INTS8: variants seen among roughly 807,000 people sequenced by gnomAD.
INTS8 encodes integrator complex subunit 8.
INTS8 carries 47 observed loss-of-function variants against 138.9 expected under a neutral mutation model. That is an observed-to-expected ratio of 0.34 (90% CI 0.27 to 0.43). INTS8 has a LOEUF of 0.43. Ranked by LOEUF, INTS8 falls within the 20% of genes least tolerant of loss-of-function variation. The pLI is 1.00. For synonymous variants in INTS8, 392 were observed against 400.9 expected (o/e 0.98, Z 0.27); for missense variants, 996 against 1,173.0 (o/e 0.85, Z 2.20).
chr8:94,835,561 A>C (rs1026332876), intron 6 of INTS8, among the ~76,000 whole-genome samples: 1 of 151,988 alleles, frequency 6.6e-6, no homozygotes, highest in Non-Finnish European at 1.5e-5. Context: ...CCTGTGTTAG[A>C]AAATTCCCGA....
At chr8:94,839,034 CA>C (rs1201297404) in intron 8 of INTS8, among the ~76,000 whole-genome samples, 2 of 152,176 alleles carry the variant, frequency 1.3e-5, no homozygotes. Flanking sequence ...TTTAGTTTTA[CA>C]AAACATTAAG....
In INTS8 at chr8:94,847,342, G is replaced by A. The variant is rs188067067; in HGVS notation, c.1261-2120G>A. On this transcript the variant is annotated intron_variant, in intron 10 of 26. Coordinates refer to ENST00000523731, the MANE Select transcript of INTS8 (RefSeq NM_017864.4). ...CAGGTGTGAGCCATGACACCTGGCC[G>A]ATGCACACATTTTTTTCTTTCTTGT... 1.0e-3 allele frequency among the ~76,000 whole-genome samples: 154 copies of A among 152,182 alleles called. 1 individual carries two copies. The highest frequency in any genetic ancestry group is 3.4e-3 in the Middle Eastern group (1 of 294).
chr8:94,870,057 A>ATT (rs1166794551), intron 20 of INTS8, among the ~76,000 whole-genome samples: 2 of 147,372 alleles, frequency 1.4e-5, no homozygotes, highest in Non-Finnish European at 3.0e-5. Context: ...TTATTTATTT[A>ATT]TTTTTTTTTT....
intron 2 of INTS8, among the ~76,000 whole-genome samples, chr8:94,826,343 G>A (rs1236207462): frequency 5.3e-5 from 8 of 151,752 alleles, no homozygotes; most frequent in African/African-American, 9.7e-5. Flanking sequence ...GTGCAGTGGC[G>A]CGATATTCGC....
intron 4 of INTS8, 107 bp from the exon 5 acceptor site, chr8:94,828,866 AAC>A (rs1443295629): frequency 1.4e-6 from 1 of 709,528 alleles, no homozygotes; most frequent in African/African-American, 1.8e-5. Context: ...TAACATTAAA[AAC>A]ACTCTTAAAT....
At chr8:94,869,737 T>C (rs769487578) in intron 20 of INTS8, among the ~76,000 whole-genome samples, 55 of 151,894 alleles carry the variant, frequency 3.6e-4, no homozygotes, top group Non-Finnish European at 6.0e-4. Context: ...GTGATCTGCC[T>C]ACCTCGGCCT....
chr8:94,853,929 T>G lies in INTS8; in HGVS notation c.1752+14T>G. 7.1e-7 allele frequency: 1 copy of G among 1,410,180 alleles called. No homozygotes were observed. The highest frequency in any genetic ancestry group is 1.0e-6 in the Non-Finnish European group (1 of 994,618). The allele number at this position is 1,410,180 out of a possible 1,614,324, so 87.4% of individuals were successfully genotyped here. ...AGTACTGTTAAGGTGAGTAAAAGTG[T>G]GTATCAAACACTTGTTAAGAATATG... On this transcript the variant is annotated intron_variant, in intron 14 of 26. Transcript: ENST00000523731.
intron 14 of INTS8, 29 bp from the exon 15 acceptor site, chr8:94,856,748 G>A: frequency 6.2e-7 from 1 of 1,600,566 alleles, no homozygotes; most frequent in Non-Finnish European, 8.6e-7. Context: ...AAGGAAAGGT[G>A]ACCCAGGCTA....
In INTS8 at chr8:94,863,171, G is replaced by A. The variant is rs1007720079; in HGVS notation, c.2077-2335G>A. ...AGAACCTAGGTAGTAGTGGGGGGTT[G>A]GCAGCCACAGTGGTGCTAGTATAGG... On this transcript the variant is annotated intron_variant, in intron 16 of 26. Coordinates refer to ENST00000523731, the MANE Select transcript of INTS8 (RefSeq NM_017864.4). Among the ~76,000 whole-genome samples the A allele has an allele frequency of 4.6e-5, 7 of 152,166 alleles. No individual in the cohort carries two copies. In the East Asian group the frequency reaches 1.3e-3, roughly 29 times the overall value.
chr8:94,876,227 T>C lies in INTS8; in HGVS notation c.2769T>C (p.Asp923=), dbSNP rs752760643. 7 of 1,611,978 alleles carry C rather than the reference T, an allele frequency of 4.3e-6. No homozygotes were observed. The South Asian group carries it at 6.6e-5, about 15-fold the overall frequency. ...ACTGAATTCTGTCTTTCAGTCATGA[T>C]GCTATGGACTCCTACTACGACTACA... ...FKSLQEQNSH[D]AMDSYYDYIW... Residue 923 remains aspartate (D), a synonymous_variant, in exon 25 of 27, where the codon GAT becomes GAC. Transcript: ENST00000523731.
chr8:94,829,124 C>T (rs1305328230), intron 5 of INTS8, 98 bp downstream of exon 5: 2 of 837,764 alleles, frequency 2.4e-6, no homozygotes, highest in South Asian at 1.5e-5. Context: ...TTGTGGAAGG[C>T]AATTTCCAGG....
At chr8:94,827,946 G>T (rs1185955374) in intron 4 of INTS8, among the ~76,000 whole-genome samples, 153 bp downstream of exon 4, 1 of 152,186 alleles carries the variant, frequency 6.6e-6, no homozygotes, top group Non-Finnish European at 1.5e-5. Flanking sequence ...GAGTTAGAGG[G>T]GCTGGAGAGT....
At chr8:94,867,032 C>A (rs2131062316) in intron 18 of INTS8, 108 bp from the exon 19 acceptor site, 1 of 875,140 alleles carries the variant, frequency 1.1e-6, no homozygotes, top group Non-Finnish European at 1.7e-6. Flanking sequence ...GCTACATTTT[C>A]AAAAGGCAAG....
Position 94,856,938 on chromosome 8 carries a change from T to C in INTS8, c.1914T>C (p.Leu638=). ...CAGGAGAGAGACCGCCATCCGACCT[T>C]ATAAGTAGAGTACGAGGCTATCTGG... is the stretch of plus-strand genomic sequence containing the variant. The part of the protein sequence containing the change: ...GQAGERPPSD[L]ISRVRGYLEM... Residue 638 remains leucine (L), a synonymous_variant, in exon 15 of 27, where the codon CTT becomes CTC. Coordinates refer to ENST00000523731, the MANE Select transcript of INTS8 (RefSeq NM_017864.4). 1.2e-6 allele frequency: 2 copies of C among 1,614,140 alleles called. No homozygotes were observed. The highest frequency in any genetic ancestry group is 1.7e-6 in the Non-Finnish European group (2 of 1,180,022).
At position 94,877,042 on chromosome 8, in the gene INTS8, T is replaced by C. The variant is rs1272435989; in HGVS notation, c.2871+553T>C. On this transcript the variant is annotated intron_variant, in intron 26 of 26. Coordinates refer to ENST00000523731, the MANE Select transcript of INTS8 (RefSeq NM_017864.4). ...TTTACATTTTTCTCCGGAACACTTA[T>C]CAACATCTAACATACTGTATATTTT... Among the ~76,000 whole-genome samples, 5 of 152,340 alleles carry C rather than the reference T, an allele frequency of 3.3e-5. No individual in the cohort carries two copies. The South Asian group carries it at 8.3e-4, about 25-fold the overall frequency.
intron 5 of INTS8, among the ~76,000 whole-genome samples, chr8:94,831,462 G>C (rs1388053205): frequency 7.1e-6 from 1 of 141,390 alleles, no homozygotes; most frequent in African/African-American, 2.6e-5. Flanking sequence ...AGTCTTTCCT[G>C]TTTTTTGTAT....
intron 23 of INTS8, 124 bp downstream of exon 23, chr8:94,874,726 A>G (rs1816514938): frequency 3.6e-6 from 2 of 560,864 alleles, no homozygotes; most frequent in Non-Finnish European, 6.2e-6. Context: ...GGTATGTAAG[A>G]GTTTGGCATA....
At chr8:94,835,756 C>T (rs1345151845) in intron 6 of INTS8, among the ~76,000 whole-genome samples, 4 of 152,122 alleles carry the variant, frequency 2.6e-5, no homozygotes, top group Non-Finnish European at 5.9e-5. Context: ...TGCGCCACTA[C>T]GCCTAGCTAA....
At chr8:94,875,548 G>C (rs1022971375) in intron 23 of INTS8, among the ~76,000 whole-genome samples, 4 of 152,130 alleles carry the variant, frequency 2.6e-5, no homozygotes, top group Non-Finnish European at 5.9e-5. Flanking sequence ...TAGTGGTGAT[G>C]GTTGTACAAC....
Sources: allele counts gnomAD v4.1 joint callset (sites outside exome capture counted in the v4.1 genomes callset), GRCh38; gene constraint gnomAD v4.1.1; transcripts MANE v1.5; gene names NCBI Gene and HGNC (gene_info 2026-07-23, HGNC 2026-07-21).